The following CNTN5 variants were observed in gnomAD, a reference collection of about 807,000 sequenced individuals.
The protein encoded by CNTN5 is contactin 5, also known as contactin-5.
A neutral mutation model predicts 129.1 loss-of-function variants in CNTN5; 77 were observed. The ratio of observed to expected loss-of-function variants is 0.60; its 90% CI spans 0.50 to 0.72. The LOEUF (loss-of-function observed/expected upper bound fraction) is 0.72, where lower values mean the gene tolerates loss of function less well. Among genes scored for constraint, CNTN5 ranks in the 30% least tolerant of loss-of-function variants. The probability of loss-of-function intolerance (pLI) is 0.00; values close to 1 mark genes in which losing one functional copy is unlikely to be tolerated. For missense variants in CNTN5, 1,478 were observed against 1,328.8 expected, an observed-to-expected ratio of 1.11 and a Z score of -1.75; for synonymous variants, 509 against 465.6, an observed-to-expected ratio of 1.09 and a Z score of -1.20.
In CNTN5 at chr11:100,350,765, G is replaced by C; in HGVS notation, c.3094G>C (p.Val1032Leu). The C allele has an allele frequency of 6.2e-7, 1 of 1,609,194 alleles. No individual in the cohort carries two copies. The highest frequency in any genetic ancestry group is 8.5e-7 in the Non-Finnish European group (1 of 1,176,948). The change falls in exon 24 of 25, where the codon GTA becomes CTA. Residue 1032 changes from valine (V) to leucine (L), a missense_variant. Transcript: ENST00000524871. ...QVIETQKLQA[V>L]VPLPDAGVYI... is the part of the protein sequence containing the mutation. ...TATTGAAACACAGAAACTTCAAGCA[G>C]TAGTACCACTCCCAGATGCTGGAGT... is the stretch of plus-strand genomic sequence containing the variant.
chr11:99,478,595 T>G (rs1441152960), intron 2 of CNTN5, among the ~76,000 whole-genome samples: 2 of 152,178 alleles, frequency 1.3e-5, no homozygotes, highest in African/African-American at 4.8e-5. Context: ...CTACAATTCC[T>G]TTTCTCTTTC....
At position 100,005,957 on chromosome 11, in the gene CNTN5, TAG is replaced by T. The variant is rs151122058; in HGVS notation, c.980+3823_980+3824del. 1.3e-3 allele frequency among the ~76,000 whole-genome samples: 200 copies of T among 152,252 alleles called. 1 individual carries two copies. The highest frequency in any genetic ancestry group is 4.7e-3 in the African/African-American group (197 of 41,568). On this transcript the variant is annotated intron_variant, in intron 9 of 24. Transcript: ENST00000524871. The stretch of plus-strand genomic sequence containing the variant: ...TTATTCATTGAACCAAATATGTTCC[TAG>T]ATATACAGTCATTCCTTGGAGATAT...
At chr11:99,248,228 T>C (rs1158488707) in intron 1 of CNTN5, among the ~76,000 whole-genome samples, 1 of 152,216 alleles carries the variant, frequency 6.6e-6, no homozygotes, top group Non-Finnish European at 1.5e-5. Context: ...ATGAGCATTT[T>C]TTCATGTGTC....
At chr11:99,835,712 A>G (rs1021760706) in intron 4 of CNTN5, among the ~76,000 whole-genome samples, 1 of 152,170 alleles carries the variant, frequency 6.6e-6, no homozygotes, top group Admixed American at 6.5e-5. Context: ...CTTGGAGCTC[A>G]AGAATTAAGT....
chr11:99,963,867 C>T (rs1449731587), intron 8 of CNTN5, among the ~76,000 whole-genome samples: 1 of 152,036 alleles, frequency 6.6e-6, no homozygotes, highest in Non-Finnish European at 1.5e-5. Context: ...TTGAAGAGGT[C>T]CTTCACATCC....
chr11:99,818,085 TC>T (rs1946651978), intron 3 of CNTN5, among the ~76,000 whole-genome samples: 1 of 152,218 alleles, frequency 6.6e-6, no homozygotes, highest in Non-Finnish European at 1.5e-5. Context: ...AGTGTTATTT[TC>T]AAATCATAGA....
At chr11:99,710,591 GTGTGTGTGTGTA>G (rs1189880401) in intron 3 of CNTN5, among the ~76,000 whole-genome samples, 23 of 140,242 alleles carry the variant, frequency 1.6e-4, no homozygotes, top group African/African-American at 5.7e-4. Context: ...GTGTGTGTGT[GTGTGTGTGTGTA>G]TGTATGTATG....
intron 3 of CNTN5, among the ~76,000 whole-genome samples, chr11:99,595,915 C>T (rs895146292): frequency 4.6e-5 from 7 of 152,048 alleles, no homozygotes; most frequent in African/African-American, 1.7e-4. Context: ...GTCTAAGTCC[C>T]TAACCAGCCA....
intron 2 of CNTN5, among the ~76,000 whole-genome samples, chr11:99,542,873 TG>T (rs1948162792): frequency 6.6e-6 from 1 of 152,196 alleles, no homozygotes; most frequent in African/African-American, 2.4e-5. Flanking sequence ...TGCAAACAAC[TG>T]GAAGCTGGCA....
At chr11:99,834,685 A>T (rs1947248388) in intron 4 of CNTN5, among the ~76,000 whole-genome samples, 1 of 152,180 alleles carries the variant, frequency 6.6e-6, no homozygotes, top group African/African-American at 2.4e-5. Flanking sequence ...AAACTTTGAG[A>T]ACTGCTAGAT....
At chr11:99,720,957 TACA>T (rs760897453) in intron 3 of CNTN5, among the ~76,000 whole-genome samples, 12 of 151,978 alleles carry the variant, frequency 7.9e-5, no homozygotes, top group Non-Finnish European at 1.8e-4. Flanking sequence ...GAAAGATCTC[TACA>T]ACGAGAATTA....
chr11:99,772,790 G>T (rs1005214964), intron 3 of CNTN5, among the ~76,000 whole-genome samples: 2 of 152,066 alleles, frequency 1.3e-5, no homozygotes, highest in Non-Finnish European at 2.9e-5. Flanking sequence ...AGAGAATGGG[G>T]AAGAAAAGGG....
chr11:99,091,211 C>CTA (rs1306905443), intron 1 of CNTN5, among the ~76,000 whole-genome samples: 2 of 152,096 alleles, frequency 1.3e-5, no homozygotes, highest in Non-Finnish European at 2.9e-5. Context: ...GGTCCTGTTA[C>CTA]TATAACTTTG....
chr11:99,631,201 A>G (rs1341387499), intron 3 of CNTN5, among the ~76,000 whole-genome samples: 1 of 152,132 alleles, frequency 6.6e-6, no homozygotes, highest in Non-Finnish European at 1.5e-5. Context: ...GAGATTTAAT[A>G]CTGTACTAAA....
At chr11:100,235,222 CT>C (rs545023887) in intron 16 of CNTN5, among the ~76,000 whole-genome samples, 15 of 152,078 alleles carry the variant, frequency 9.9e-5, no homozygotes, top group Non-Finnish European at 2.2e-4. Flanking sequence ...TAAAATCAGA[CT>C]TTTTTTTCTG....
At chr11:99,890,632 C>T (rs546369446) in intron 6 of CNTN5, among the ~76,000 whole-genome samples, 5 of 152,076 alleles carry the variant, frequency 3.3e-5, no homozygotes, top group Admixed American at 2.6e-4. Context: ...ACAAATTTCC[C>T]ATTCAGAGTT....
At chr11:99,690,303 C>T (rs948318612) in intron 3 of CNTN5, among the ~76,000 whole-genome samples, 1 of 152,068 alleles carries the variant, frequency 6.6e-6, no homozygotes, top group African/African-American at 2.4e-5. Flanking sequence ...TGTTCTTTCA[C>T]CAGTACCATG....
chr11:100,307,129 T>C lies in CNTN5; in HGVS notation c.2621-1230T>C, dbSNP rs972508861. On this transcript the variant is annotated intron_variant, in intron 20 of 24. Transcript: ENST00000524871. ...AAAGCGTTCCAGACACATGTATGAC[T>C]AGCTTCTTTCAGAAAAGGAAAGACC... Among the ~76,000 whole-genome samples, 8 of 151,586 alleles carry C rather than the reference T, an allele frequency of 5.3e-5. No individual in the cohort carries two copies. In the East Asian group the frequency reaches 1.2e-3, roughly 22 times the overall value.
chr11:99,180,689 G>A (rs1858007629), intron 1 of CNTN5, among the ~76,000 whole-genome samples: 1 of 151,992 alleles, frequency 6.6e-6, no homozygotes, highest in African/African-American at 2.4e-5. Context: ...CTTCACAGTC[G>A]GCCTCCATCT....
Sources: allele counts gnomAD v4.1 joint callset (sites outside exome capture counted in the v4.1 genomes callset), GRCh38; gene constraint gnomAD v4.1.1; transcripts MANE v1.5; gene names NCBI Gene and HGNC (gene_info 2026-07-23, HGNC 2026-07-21).